The following AFG2A variants were observed in gnomAD, a reference collection of about 807,000 sequenced individuals.
AFG2A encodes ATPase family gene 2 protein homolog A.
At chr4:122,935,672 C>G in the AFG2A span, 5 of 1,496,870 alleles carry the variant, frequency 3.3e-6, no homozygotes, top group African/African-American at 2.8e-5. Flanking sequence ...TTATAAGAAA[C>G]CTAGTAATGG....
the AFG2A span, among the ~76,000 whole-genome samples, chr4:123,177,192 A>ATTTT: frequency 6.1e-5 from 8 of 130,244 alleles, no homozygotes; most frequent in Non-Finnish European, 8.1e-5. Flanking sequence ...GCTTGATTTG[A>ATTTT]TTTTTTTTTT....
chr4:123,005,323 G>A, the AFG2A span, among the ~76,000 whole-genome samples: 1 of 151,912 alleles, frequency 6.6e-6, no homozygotes, highest in African/African-American at 2.4e-5. Flanking sequence ...GCTAATTTTT[G>A]TATTTTTAGT....
the AFG2A span, among the ~76,000 whole-genome samples, chr4:123,018,313 A>G: frequency 2.6e-5 from 4 of 152,358 alleles, no homozygotes; most frequent in Non-Finnish European, 5.9e-5. Context: ...GGATGCAAAT[A>G]TTATCAGGAA....
At chr4:123,128,620 A>T in the AFG2A span, among the ~76,000 whole-genome samples, 17 of 152,172 alleles carry the variant, frequency 1.1e-4, no homozygotes, top group Non-Finnish European at 4.4e-5. Context: ...TGTAGTGTTA[A>T]CATTGAATAT....
the AFG2A span, among the ~76,000 whole-genome samples, chr4:122,981,165 G>A: frequency 6.6e-6 from 1 of 152,086 alleles, no homozygotes; most frequent in Non-Finnish European, 1.5e-5. Context: ...ATTTTGAACT[G>A]ATTTTTTGTA....
the AFG2A span, among the ~76,000 whole-genome samples, chr4:123,263,531 A>G: frequency 2.0e-5 from 3 of 152,212 alleles, no homozygotes; most frequent in African/African-American, 7.2e-5. Flanking sequence ...TTACCTCATG[A>G]GCCCTTGGAT....
chr4:122,923,773 A>G, the AFG2A span, among the ~76,000 whole-genome samples: 25 of 152,178 alleles, frequency 1.6e-4, no homozygotes, highest in Non-Finnish European at 3.2e-4. Flanking sequence ...ACTGCACACT[A>G]GTGTTAGCAG....
the AFG2A span, among the ~76,000 whole-genome samples, chr4:123,060,326 C>T: frequency 6.6e-6 from 1 of 152,246 alleles, no homozygotes; most frequent in Non-Finnish European, 1.5e-5. Flanking sequence ...GCTCCAACCC[C>T]ACATTTCCCT....
chr4:123,015,374 G>A, the AFG2A span, among the ~76,000 whole-genome samples: 65 of 151,766 alleles, frequency 4.3e-4, 1 homozygote. Flanking sequence ...AGATTAGGGA[G>A]TGGTGATGAC....
chr4:123,240,605 C>G, the AFG2A span, among the ~76,000 whole-genome samples: 2 of 152,132 alleles, frequency 1.3e-5, no homozygotes, highest in Non-Finnish European at 2.9e-5. Context: ...ACACAACGTA[C>G]CAGAATCTCT....
chr4:123,025,552 ACT>A, the AFG2A span, among the ~76,000 whole-genome samples: 1 of 44,634 alleles, frequency 2.2e-5, no homozygotes, highest in Non-Finnish European at 8.5e-5. Context: ...TATAACTTGA[ACT>A]TTTTTTTTTT....
chr4:123,086,532 C>G, the AFG2A span, among the ~76,000 whole-genome samples: 1 of 152,058 alleles, frequency 6.6e-6, no homozygotes, highest in Non-Finnish European at 1.5e-5. Context: ...GCTCAGTGTT[C>G]ACTGGACTTC....
At chr4:123,249,265 G>A in the AFG2A span, among the ~76,000 whole-genome samples, 1 of 152,160 alleles carries the variant, frequency 6.6e-6, no homozygotes, top group Non-Finnish European at 1.5e-5. Context: ...AGAAATATGT[G>A]CGAAAACAGG....
At chr4:123,180,625 C>G in the AFG2A span, among the ~76,000 whole-genome samples, 1 of 152,142 alleles carries the variant, frequency 6.6e-6, no homozygotes, top group African/African-American at 2.4e-5. Flanking sequence ...TGACATGATT[C>G]TAAATCAGAA....
the AFG2A span, among the ~76,000 whole-genome samples, chr4:123,298,112 TAC>T: frequency 0.013 from 1,967 of 150,204 alleles, 45 homozygotes; most frequent in African/African-American, 0.044. Context: ...TGCATACACA[TAC>T]ACACACACAC....
chr4:123,246,643 C>G, the AFG2A span, among the ~76,000 whole-genome samples: 1 of 152,152 alleles, frequency 6.6e-6, no homozygotes, highest in African/African-American at 2.4e-5. Flanking sequence ...CACTGTCTGA[C>G]TGCCTGAAGT....
chr4:123,024,111 G>T, the AFG2A span, among the ~76,000 whole-genome samples: 3 of 150,578 alleles, frequency 2.0e-5, no homozygotes, highest in Non-Finnish European at 4.4e-5. Context: ...GGAGGATGAA[G>T]AAACTAACCC....
At chr4:123,289,204 T>C in the AFG2A span, among the ~76,000 whole-genome samples, 1 of 152,192 alleles carries the variant, frequency 6.6e-6, no homozygotes, top group Non-Finnish European at 1.5e-5. Context: ...GTGTCCATTA[T>C]ACAATTCCAT....
chr4:123,121,542 G>C, the AFG2A span, among the ~76,000 whole-genome samples: 1 of 152,122 alleles, frequency 6.6e-6, no homozygotes, highest in Non-Finnish European at 1.5e-5. Flanking sequence ...TTTTTACTGT[G>C]CCTGCTCTTT....
Sources: allele counts gnomAD v4.1 joint callset (sites outside exome capture counted in the v4.1 genomes callset), GRCh38; gene constraint gnomAD v4.1.1; transcripts MANE v1.5; gene names NCBI Gene and HGNC (gene_info 2026-07-23, HGNC 2026-07-21).